NDUFAF2: variants seen among roughly 807,000 people sequenced by gnomAD.
NDUFAF2 encodes the protein NADH dehydrogenase [ubiquinone] 1 alpha subcomplex assembly factor 2.
Under a neutral mutation model 22.8 loss-of-function variants are expected in NDUFAF2, and 13 were observed. The observed-to-expected ratio is 0.57, with a 90% CI of 0.37 to 0.91. NDUFAF2 has a LOEUF of 0.91. Among genes scored for constraint, NDUFAF2 ranks in the 40% least tolerant of loss-of-function variants. The probability of loss-of-function intolerance (pLI) is 0.01; values close to 1 mark genes in which losing one functional copy is unlikely to be tolerated. For missense variants in NDUFAF2, 162 were observed against 195.2 expected (o/e 0.83, Z 1.01); for synonymous variants, 53 against 64.2 (o/e 0.83, Z 0.84).
chr5:61,009,166 T>C (rs1751411349), intron 1 of NDUFAF2, among the ~76,000 whole-genome samples: 1 of 152,136 alleles, frequency 6.6e-6, no homozygotes, highest in Non-Finnish European at 1.5e-5. Context: ...AAAAACTCTT[T>C]AACAGCGTTT....
At chr5:60,951,485 A>G (rs1750547859) in intron 1 of NDUFAF2, among the ~76,000 whole-genome samples, 1 of 152,224 alleles carries the variant, frequency 6.6e-6, no homozygotes, top group African/African-American at 2.4e-5. Flanking sequence ...TTGAGTGGAC[A>G]TAAGCTTTTA....
chr5:60,990,658 A>C (rs887444018), intron 1 of NDUFAF2, among the ~76,000 whole-genome samples: 13 of 152,172 alleles, frequency 8.5e-5, no homozygotes, highest in Admixed American at 8.5e-4. Context: ...TTTTCTATAT[A>C]GCAAATTTTT....
At chr5:61,127,015 C>A (rs947426018) in intron 3 of NDUFAF2, among the ~76,000 whole-genome samples, 2 of 152,132 alleles carry the variant, frequency 1.3e-5, no homozygotes, top group Non-Finnish European at 2.9e-5. Flanking sequence ...CACCTCTACG[C>A]AAATAAACTA....
intron 1 of NDUFAF2, among the ~76,000 whole-genome samples, chr5:60,971,614 C>A (rs978237994): frequency 7.1e-6 from 1 of 140,226 alleles, no homozygotes; most frequent in Non-Finnish European, 1.6e-5. Flanking sequence ...CCTCCCCCCT[C>A]CCCCAACCCC....
intron 1 of NDUFAF2, among the ~76,000 whole-genome samples, chr5:60,965,685 T>C (rs1750750438): frequency 6.6e-6 from 1 of 152,194 alleles, no homozygotes; most frequent in Non-Finnish European, 1.5e-5. Context: ...CATGTTGTCA[T>C]AAATGGCAGA....
intron 1 of NDUFAF2, among the ~76,000 whole-genome samples, chr5:61,056,494 AAAAT>A (rs1580115733): frequency 6.6e-6 from 1 of 152,196 alleles, no homozygotes; most frequent in Non-Finnish European, 1.5e-5. Context: ...ACAGCGAACT[AAAAT>A]AGAGAACAAA....
At chr5:60,947,533 A>C (rs1285989875) in intron 1 of NDUFAF2, among the ~76,000 whole-genome samples, 1 of 152,142 alleles carries the variant, frequency 6.6e-6, no homozygotes, top group African/African-American at 2.4e-5. Flanking sequence ...TGGGAGGCCG[A>C]GGTGGGTGGA....
intron 1 of NDUFAF2, among the ~76,000 whole-genome samples, chr5:61,004,079 T>A (rs1039964453): frequency 6.6e-6 from 1 of 152,126 alleles, no homozygotes; most frequent in Non-Finnish European, 1.5e-5. Flanking sequence ...TACTTGCCTA[T>A]CCTGTAAAAT....
chr5:61,112,117 G>A (rs893145168), intron 3 of NDUFAF2, among the ~76,000 whole-genome samples: 1 of 151,912 alleles, frequency 6.6e-6, no homozygotes, highest in Non-Finnish European at 1.5e-5. Context: ...CATTATATAT[G>A]TGAGTGCTCC....
At chr5:61,094,938 G>A (rs1752619856) in intron 2 of NDUFAF2, among the ~76,000 whole-genome samples, 1 of 152,162 alleles carries the variant, frequency 6.6e-6, no homozygotes. Context: ...CCATTTAGGA[G>A]GAACAGGATC....
At chr5:61,121,831 T>A (rs1450478041) in intron 3 of NDUFAF2, among the ~76,000 whole-genome samples, 2 of 143,708 alleles carry the variant, frequency 1.4e-5, no homozygotes, top group Non-Finnish European at 3.1e-5. Flanking sequence ...TTTTCTTTTC[T>A]TTTTTTTTTC....
intron 3 of NDUFAF2, among the ~76,000 whole-genome samples, chr5:61,127,304 G>T (rs1222695467): frequency 6.6e-6 from 1 of 152,050 alleles, no homozygotes; most frequent in Non-Finnish European, 1.5e-5. Context: ...GCATCATCCT[G>T]ATACCAAAGC....
intron 2 of NDUFAF2, among the ~76,000 whole-genome samples, chr5:61,089,832 C>T (rs1752545667): frequency 6.6e-6 from 1 of 151,790 alleles, no homozygotes; most frequent in Non-Finnish European, 1.5e-5. Flanking sequence ...AACCAGTAAG[C>T]TTTAGAAAAC....
chr5:60,985,667 A>G (rs1751063835), intron 1 of NDUFAF2, among the ~76,000 whole-genome samples: 1 of 152,190 alleles, frequency 6.6e-6, no homozygotes, highest in Non-Finnish European at 1.5e-5. Context: ...GTAGTCATTC[A>G]GGAGCAGGTT....
intron 1 of NDUFAF2, among the ~76,000 whole-genome samples, chr5:61,032,876 G>T (rs1307945004): frequency 6.6e-6 from 1 of 152,082 alleles, no homozygotes; most frequent in Non-Finnish European, 1.5e-5. Context: ...GATCCTTGAG[G>T]AATTGCCACA....
intron 1 of NDUFAF2, among the ~76,000 whole-genome samples, chr5:61,070,625 A>ACACG (rs1554082094): frequency 9.3e-5 from 14 of 150,088 alleles, no homozygotes; most frequent in Non-Finnish European, 1.3e-4. Flanking sequence ...ACACACACAC[A>ACACG]CACGCACTCA....
At chr5:61,106,843 T>A (rs1752770226) in intron 3 of NDUFAF2, among the ~76,000 whole-genome samples, 1 of 151,206 alleles carries the variant, frequency 6.6e-6, no homozygotes, top group African/African-American at 2.5e-5. Context: ...TCTATCCATG[T>A]TGTTGCAAAT....
At chr5:60,949,054 T>C (rs1211272927) in intron 1 of NDUFAF2, among the ~76,000 whole-genome samples, 1 of 152,186 alleles carries the variant, frequency 6.6e-6, no homozygotes, top group Non-Finnish European at 1.5e-5. Flanking sequence ...TTTTTTAGAT[T>C]CTATTTTTAA....
At chr5:61,007,435 G>A (rs162237) in intron 1 of NDUFAF2, among the ~76,000 whole-genome samples, 22,572 of 151,996 alleles carry the variant, frequency 0.15, 2,128 homozygotes, top group South Asian at 0.28. Context: ...GTAGATATGT[G>A]GCGTTATTTC....
Sources: gnomAD v4.1 joint callset for allele counts (sites outside exome capture counted in the v4.1 genomes callset) on GRCh38, gnomAD v4.1.1 for gene constraint, MANE v1.5 for transcripts, NCBI Gene and HGNC (gene_info 2026-07-23, HGNC 2026-07-21) for gene names.